APAF1: variants seen among roughly 807,000 people sequenced by gnomAD.
APAF1 encodes apoptotic protease-activating factor 1.
Under a neutral mutation model 152.4 loss-of-function variants are expected in APAF1, and 91 were observed. The ratio of observed to expected loss-of-function variants is 0.60; its 90% CI spans 0.50 to 0.71. The LOEUF (loss-of-function observed/expected upper bound fraction) is 0.71. APAF1 is among the 30% of genes least tolerant of loss of function. APAF1 has a pLI of 0.00. For missense variants in APAF1, 1,283 were observed against 1,472.0 expected (o/e 0.87, Z 2.10); for synonymous variants, 484 against 494.1 (o/e 0.98, Z 0.27).
intron 10 of APAF1, 120 bp downstream of exon 10, chr12:98,667,764 GATT>G: frequency 1.0e-5 from 4 of 383,440 alleles, no homozygotes; most frequent in Non-Finnish European, 1.7e-5. Context: ...CTTTCCATTT[GATT>G]TTTTTTTTTT....
At chr12:98,706,859 T>C (rs956756162) in intron 19 of APAF1, among the ~76,000 whole-genome samples, 1 of 152,232 alleles carries the variant, frequency 6.6e-6, no homozygotes, top group Non-Finnish European at 1.5e-5. Context: ...TTGGTTAATT[T>C]AAAATACTGC....
intron 5 of APAF1, among the ~76,000 whole-genome samples, chr12:98,661,723 C>A (rs985123869): frequency 2.0e-5 from 3 of 151,960 alleles, no homozygotes; most frequent in African/African-American, 7.2e-5. Context: ...CCTGCCCTGG[C>A]CTCCCAAAGT....
At chr12:98,681,726 G>A (rs2097692429) in intron 14 of APAF1, among the ~76,000 whole-genome samples, 1 of 152,198 alleles carries the variant, frequency 6.6e-6, no homozygotes, top group African/African-American at 2.4e-5. Context: ...CTGACTCTGA[G>A]TCAGACTTGG....
intron 4 of APAF1, among the ~76,000 whole-genome samples, chr12:98,656,305 T>C (rs1243061859): frequency 6.6e-6 from 1 of 152,212 alleles, no homozygotes; most frequent in Middle Eastern, 3.2e-3. Flanking sequence ...TATAAATATA[T>C]ACACATACAG....
At chr12:98,706,048 A>G (rs375797968) in intron 18 of APAF1, among the ~76,000 whole-genome samples, 4 of 152,192 alleles carry the variant, frequency 2.6e-5, no homozygotes, top group African/African-American at 9.6e-5. Context: ...ATCTATATGC[A>G]TATATATCCA....
chr12:98,678,299 C>T (rs890865269), intron 13 of APAF1, among the ~76,000 whole-genome samples: 4 of 152,252 alleles, frequency 2.6e-5, no homozygotes, highest in Non-Finnish European at 4.4e-5. Flanking sequence ...TTGATGGCAG[C>T]GGCGGGCTGC....
At chr12:98,665,099 G>A (rs2153316699) in intron 7 of APAF1, among the ~76,000 whole-genome samples, 1 of 147,642 alleles carries the variant, frequency 6.8e-6, no homozygotes, top group South Asian at 2.2e-4. Flanking sequence ...GTGCTGTCAT[G>A]GCTCACCGTA....
At chr12:98,647,428 AG>A (rs748055027) in intron 1 of APAF1, among the ~76,000 whole-genome samples, 8 of 151,888 alleles carry the variant, frequency 5.3e-5, no homozygotes, top group Non-Finnish European at 7.4e-5. Flanking sequence ...GCTGGAGTAC[AG>A]TAGAGTGGTC....
At chr12:98,727,573 A>G (rs1375956578) in intron 26 of APAF1, among the ~76,000 whole-genome samples, 1 of 152,072 alleles carries the variant, frequency 6.6e-6, no homozygotes, top group Non-Finnish European at 1.5e-5. Flanking sequence ...ATCTGGCAGT[A>G]AAATGAGTTT....
intron 22 of APAF1, among the ~76,000 whole-genome samples, chr12:98,716,591 G>C (rs1335921436): frequency 1.3e-5 from 2 of 152,116 alleles, no homozygotes; most frequent in Non-Finnish European, 2.9e-5. Context: ...GAAGATTTTA[G>C]GATCTTCATT....
chr12:98,663,783 C>T (rs983455126), intron 7 of APAF1, among the ~76,000 whole-genome samples: 3 of 149,656 alleles, frequency 2.0e-5, no homozygotes, highest in Non-Finnish European at 3.0e-5. Flanking sequence ...CTCAGCCTCT[C>T]GAGTATCTGG....
chr12:98,699,874 G>A (rs561397952), intron 17 of APAF1, among the ~76,000 whole-genome samples: 1 of 152,296 alleles, frequency 6.6e-6, no homozygotes, highest in East Asian at 1.9e-4. Flanking sequence ...TTATGCCATC[G>A]AATCCAGTGT....
intron 15 of APAF1, among the ~76,000 whole-genome samples, chr12:98,684,431 C>G (rs1214555751): frequency 6.6e-6 from 1 of 150,614 alleles, no homozygotes; most frequent in Non-Finnish European, 1.5e-5. Context: ...TGTCACCTTC[C>G]CTTCCTCTTG....
intron 21 of APAF1, among the ~76,000 whole-genome samples, 191 bp from the exon 22 acceptor site, chr12:98,715,232 GTGCA>G: frequency 1.4e-5 from 1 of 72,190 alleles, no homozygotes; most frequent in African/African-American, 5.3e-5. Flanking sequence ...CATACATGGT[GTGCA>G]TATATATATA....
At chr12:98,649,043 C>A (rs2097645802) in intron 3 of APAF1, 2 of 729,328 alleles carry the variant, frequency 2.7e-6, no homozygotes, top group African/African-American at 1.8e-5. Flanking sequence ...ATATGTCTAC[C>A]CTAATTTTTA....
At chr12:98,692,515 T>C (rs2097705424) in intron 16 of APAF1, among the ~76,000 whole-genome samples, 1 of 152,228 alleles carries the variant, frequency 6.6e-6, no homozygotes, top group Admixed American at 6.5e-5. Context: ...GTCATCCAGA[T>C]AGCATAGTAC....
intron 10 of APAF1, among the ~76,000 whole-genome samples, chr12:98,669,773 T>C (rs1252234312): frequency 6.6e-6 from 1 of 152,156 alleles, no homozygotes; most frequent in Non-Finnish European, 1.5e-5. Flanking sequence ...ATTGCCAGAC[T>C]GCTCTCCAGA....
At chr12:98,724,935 A>C (rs1332032241) in intron 24 of APAF1, among the ~76,000 whole-genome samples, 2 of 152,226 alleles carry the variant, frequency 1.3e-5, no homozygotes, top group Non-Finnish European at 2.9e-5. Context: ...GTAGGCTAGT[A>C]TAGTGACTAA....
In APAF1 at chr12:98,700,399, A is replaced by G. The variant is rs1017885890; in HGVS notation, c.2466+830A>G. Among the ~76,000 whole-genome samples the G allele has an allele frequency of 2.6e-5, 4 of 152,338 alleles. No individual in the cohort carries two copies. The South Asian group carries it at 6.2e-4, about 24-fold the overall frequency. On this transcript the variant is annotated intron_variant, in intron 17 of 26. Transcript: ENST00000551964. ...AAAGAGCATAATTGAAATATAAAATATGGTTATATAAGAACTCACTGAGGG... is the reference window on the plus strand; with the variant it reads ...AAAGAGCATAATTGAAATATAAAATGTGGTTATATAAGAACTCACTGAGGG...
Sources: gnomAD v4.1 joint callset for allele counts (sites outside exome capture counted in the v4.1 genomes callset) on GRCh38, gnomAD v4.1.1 for gene constraint, MANE v1.5 for transcripts, NCBI Gene and HGNC (gene_info 2026-07-23, HGNC 2026-07-21) for gene names.